PIK3R1: variants seen among roughly 807,000 people sequenced by gnomAD.
The protein encoded by PIK3R1 is phosphatidylinositol 3-kinase regulatory subunit alpha.
In PIK3R1, 29 loss-of-function variants were observed where a neutral mutation model predicts 98.0. That is an observed-to-expected ratio of 0.30 (90% CI 0.22 to 0.40). The LOEUF (loss-of-function observed/expected upper bound fraction) is 0.40. Ranked by LOEUF, PIK3R1 falls within the 10% of genes least tolerant of loss-of-function variation. The pLI, the probability that PIK3R1 is intolerant of heterozygous loss-of-function variation, is 1.00. For synonymous variants in PIK3R1, 282 were observed against 311.8 expected (o/e 0.90, Z 1.01); for missense variants, 596 against 872.7 (o/e 0.68, Z 3.99).
Position 68,288,645 on chromosome 5 carries a change from C to T in PIK3R1, c.917-3614C>T, listed in dbSNP as rs1413593252. 8.1e-6 allele frequency: 13 copies of T among 1,599,840 alleles called. No homozygotes were observed. The East Asian group carries it at 1.1e-4, about 14-fold the overall frequency. Reference sequence around the variant, plus strand: ...GCCGGGAACAGGCTGGGGGGAGGTGCGGGGGCTTGGCCCACTTGGTGGAAG... The same window carrying T: ...GCCGGGAACAGGCTGGGGGGAGGTGTGGGGGCTTGGCCCACTTGGTGGAAG... On this transcript the variant is annotated intron_variant, in intron 7 of 15. Transcript: ENST00000521381.
Position 68,295,212 on chromosome 5 carries a change from T to C in PIK3R1, c.1633T>C (p.Leu545=), listed in dbSNP as rs1227172617. ...ISEIIDSRRR[L]EEDLKKQAAE... is the part of the protein sequence containing the mutation. ...TGAAATTATTGACAGTAGAAGAAGATTGGAAGAAGACTTGAAGAAGCAGGC... is the reference window on the plus strand; with the variant it reads ...TGAAATTATTGACAGTAGAAGAAGACTGGAAGAAGACTTGAAGAAGCAGGC... The change falls in exon 13 of 16, where the codon TTG becomes CTG. Residue 545 remains leucine (L), a synonymous_variant. Transcript: ENST00000521381. 1.9e-6 allele frequency: 3 copies of C among 1,613,938 alleles called. No individual in the cohort carries two copies. Among genetic ancestry groups the C allele is most frequent in the Non-Finnish European group, 1.7e-6 (2 of 1,179,898 alleles).
chr5:68,232,477 T>C (rs1744516770), intron 2 of PIK3R1, among the ~76,000 whole-genome samples: 1 of 152,096 alleles, frequency 6.6e-6, no homozygotes, highest in South Asian at 2.1e-4. Flanking sequence ...GGCCTGTGAG[T>C]AGGGAGGCTC....
At chr5:68,229,668 C>T (rs1230515768) in intron 2 of PIK3R1, among the ~76,000 whole-genome samples, 3 of 152,116 alleles carry the variant, frequency 2.0e-5, no homozygotes, top group Admixed American at 6.5e-5. Flanking sequence ...CCTTGCTGCC[C>T]TCTCTGTTTT....
intron 2 of PIK3R1, among the ~76,000 whole-genome samples, chr5:68,238,715 T>G (rs985243069): frequency 1.3e-5 from 2 of 151,680 alleles, no homozygotes; most frequent in African/African-American, 4.8e-5. Context: ...AGAAGATATA[T>G]AGAGAGAATA....
intron 2 of PIK3R1, 26 bp downstream of exon 2, chr5:68,227,035 A>G (rs753637265): frequency 6.4e-7 from 1 of 1,553,362 alleles, no homozygotes; most frequent in Non-Finnish European, 8.7e-7. Flanking sequence ...TGGTTGCTTA[A>G]TGACTCCCTT....
chr5:68,221,540 G>T (rs1278002755), intron 1 of PIK3R1, among the ~76,000 whole-genome samples: 1 of 152,196 alleles, frequency 6.6e-6, no homozygotes, highest in Admixed American at 6.5e-5. Flanking sequence ...AGAATCACAT[G>T]ACTTGGATAT....
In PIK3R1 at chr5:68,301,639, G is replaced by A. The variant is rs1748111264; in HGVS notation, c.*4038G>A. On this transcript the variant is annotated 3_prime_UTR_variant, in exon 16 of 16. Coordinates refer to ENST00000521381, the MANE Select transcript of PIK3R1 (RefSeq NM_181523.3). ...AATAAAGTTGGTCTTTTGACGAGAG[G>A]GAGGATGTCACGGTCAGTTGTAACT... The A allele has an allele frequency of 7.0e-6, 1 of 143,730 alleles. No individual in the cohort carries two copies. Among genetic ancestry groups the A allele is most frequent in the South Asian group, 2.5e-4 (1 of 4,010 alleles). The allele number at this position is 143,730 out of a possible 1,614,324, so 8.9% of individuals were successfully genotyped here.
chr5:68,280,272 C>A, intron 5 of PIK3R1: 1 of 517,400 alleles, frequency 1.9e-6, no homozygotes, highest in Non-Finnish European at 3.4e-6. Context: ...GGGTAAGTTG[C>A]TGCCAGCACA....
chr5:68,219,526 A>G (rs1744019305), intron 1 of PIK3R1, among the ~76,000 whole-genome samples: 1 of 152,176 alleles, frequency 6.6e-6, no homozygotes, highest in Non-Finnish European at 1.5e-5. Flanking sequence ...ACTCATCTCT[A>G]AATCCTGGGG....
chr5:68,254,820 G>A (rs1745447116), intron 2 of PIK3R1, among the ~76,000 whole-genome samples: 2 of 132,530 alleles, frequency 1.5e-5, no homozygotes, highest in Admixed American at 1.5e-4. Context: ...CATCAGTACA[G>A]TCTTTTTCTT....
intron 2 of PIK3R1, among the ~76,000 whole-genome samples, chr5:68,255,122 A>T (rs1240701583): frequency 6.6e-6 from 1 of 152,194 alleles, no homozygotes; most frequent in Non-Finnish European, 1.5e-5. Context: ...AGCTTCTGAG[A>T]TTTCTAAGTA....
intron 2 of PIK3R1, among the ~76,000 whole-genome samples, chr5:68,240,155 G>A (rs898776914): frequency 4.6e-5 from 7 of 150,740 alleles, no homozygotes; most frequent in African/African-American, 7.3e-5. Flanking sequence ...ATATGTATTC[G>A]TATATGATAT....
Position 68,252,873 on chromosome 5 carries a change from C to T in PIK3R1, c.335-20517C>T, listed in dbSNP as rs539409629. ...TGCCATCCAGTGGCAATTGGCTATA[C>T]GGCATGGTAGCTGTAAAATATGCCC... On this transcript the variant is annotated intron_variant, in intron 2 of 15. Coordinates refer to ENST00000521381, the MANE Select transcript of PIK3R1 (RefSeq NM_181523.3). 4.1e-4 allele frequency among the ~76,000 whole-genome samples: 63 copies of T among 152,266 alleles called. 1 individual carries two copies. The highest frequency in any genetic ancestry group is 2.5e-3 in the Admixed American group (38 of 15,292).
chr5:68,271,376 A>G (rs1338230512), intron 2 of PIK3R1, among the ~76,000 whole-genome samples: 3 of 152,220 alleles, frequency 2.0e-5, no homozygotes, highest in Non-Finnish European at 4.4e-5. Flanking sequence ...TAAACATTGC[A>G]GGGCTTTGAG....
rs765151039 is a variant in PIK3R1, at chr5:68,290,694, T to C, written c.917-1565T>C. Reference sequence around the variant, plus strand: ...TACAAAGAAAGCCGGACTCTTTTCTTATAACTGAGCTCAGCCAAGGAAACT... The same window carrying C: ...TACAAAGAAAGCCGGACTCTTTTCTCATAACTGAGCTCAGCCAAGGAAACT... On this transcript the variant is annotated intron_variant, in intron 7 of 15. Coordinates refer to ENST00000521381, the MANE Select transcript of PIK3R1 (RefSeq NM_181523.3). The C allele has an allele frequency of 5.0e-6, 8 of 1,592,482 alleles. No homozygotes were observed. In the Admixed American group the frequency reaches 1.3e-4, roughly 25 times the overall value.
At chr5:68,255,583 T>C (rs1745477324) in intron 2 of PIK3R1, among the ~76,000 whole-genome samples, 1 of 152,174 alleles carries the variant, frequency 6.6e-6, no homozygotes, top group African/African-American at 2.4e-5. Context: ...GGAAAACACT[T>C]AAGTTTGCTT....
chr5:68,296,951 G>A (rs146645521), intron 15 of PIK3R1, among the ~76,000 whole-genome samples: 3 of 152,286 alleles, frequency 2.0e-5, no homozygotes, highest in East Asian at 3.9e-4. Context: ...GTGCATAAGG[G>A]CACATGCAGA....
chr5:68,229,170 T>A (rs559915846), intron 2 of PIK3R1, among the ~76,000 whole-genome samples: 96 of 152,180 alleles, frequency 6.3e-4, no homozygotes, highest in African/African-American at 2.1e-3. Context: ...AAACATTCAA[T>A]TTTCTAGAAG....
At chr5:68,263,998 C>T (rs961760130) in intron 2 of PIK3R1, among the ~76,000 whole-genome samples, 1 of 152,086 alleles carries the variant, frequency 6.6e-6, no homozygotes, top group Non-Finnish European at 1.5e-5. Context: ...TTTGAAGGGC[C>T]CTCTGTCCAT....
Sources: gnomAD v4.1 joint callset for allele counts (sites outside exome capture counted in the v4.1 genomes callset) on GRCh38, gnomAD v4.1.1 for gene constraint, MANE v1.5 for transcripts, NCBI Gene and HGNC (gene_info 2026-07-23, HGNC 2026-07-21) for gene names.